TYW1: variants seen among roughly 807,000 people sequenced by gnomAD.
TYW1 encodes S-adenosyl-L-methionine-dependent tRNA 4-demethylwyosine synthase TYW1.
A neutral mutation model predicts 96.2 loss-of-function variants in TYW1; 46 were observed. That is an observed-to-expected ratio of 0.48 (90% CI 0.38 to 0.61). The LOEUF (loss-of-function observed/expected upper bound fraction) is 0.61. Among genes scored for constraint, TYW1 ranks in the 20% least tolerant of loss-of-function variants. The pLI, the probability that TYW1 is intolerant of heterozygous loss-of-function variation, is 0.00. For missense variants in TYW1, 684 were observed against 909.6 expected (o/e 0.75, Z 3.19); for synonymous variants, 274 against 323.0 (o/e 0.85, Z 1.63).
intron 13 of TYW1, among the ~76,000 whole-genome samples, chr7:67,170,516 A>C (rs1450814955): frequency 3.3e-5 from 5 of 152,236 alleles, no homozygotes; most frequent in African/African-American, 4.8e-5. Context: ...GGTAGCATTC[A>C]CGTAACATAA....
chr7:67,000,499 A>G (rs1340619456), intron 3 of TYW1, among the ~76,000 whole-genome samples: 1 of 151,822 alleles, frequency 6.6e-6, no homozygotes, highest in East Asian at 1.9e-4. Flanking sequence ...AGGTTTCACC[A>G]TATTGGTCAC....
intron 11 of TYW1, among the ~76,000 whole-genome samples, chr7:67,092,512 C>G (rs1369411546): frequency 6.6e-6 from 1 of 152,078 alleles, no homozygotes; most frequent in Non-Finnish European, 1.5e-5. Flanking sequence ...CCGTCTTTGC[C>G]CTCTTGGCCT....
intron 8 of TYW1, among the ~76,000 whole-genome samples, chr7:67,053,885 A>G (rs370314376): frequency 2.0e-5 from 3 of 152,144 alleles, no homozygotes; most frequent in Non-Finnish European, 2.9e-5. Flanking sequence ...CTAGCTTTCA[A>G]TCCTGCAAAC....
rs4717339 is a variant in TYW1 at position 67,009,572 on chromosome 7, G to C, written c.274-11G>C. 0.14 allele frequency: 226,582 copies of C among 1,602,178 alleles called. 16,889 individuals carry two copies. The highest frequency in any genetic ancestry group is 0.15 in the Middle Eastern group (899 of 6,038). On this transcript the variant is annotated splice_polypyrimidine_tract_variant and intron_variant, in intron 3 of 15. Coordinates refer to ENST00000359626, the MANE Select transcript of TYW1 (RefSeq NM_018264.4). The stretch of plus-strand genomic sequence containing the variant: ...GAAGACTTTATTTGATGTTTTTTTT[G>C]GTCCTATTAGGGATTCGCAACAGTT...
intron 13 of TYW1, among the ~76,000 whole-genome samples, chr7:67,137,176 C>T (rs1376093664): frequency 6.6e-6 from 1 of 152,126 alleles, no homozygotes; most frequent in Non-Finnish European, 1.5e-5. Flanking sequence ...CAAACTCCTT[C>T]CTCCAGCACT....
In TYW1 at chr7:67,024,772, C is replaced by A. The variant is rs1319388888; in HGVS notation, c.862-128C>A. 3.1e-5 allele frequency: 44 copies of A among 1,412,694 alleles called. No homozygotes were observed. In the East Asian group the frequency reaches 1.0e-3, roughly 33 times the overall value. 87.5% of individuals were successfully genotyped at this position (1,412,694 alleles called of 1,614,324 possible). On this transcript the variant is annotated intron_variant, in intron 6 of 15. Transcript: ENST00000359626. The stretch of plus-strand genomic sequence containing the variant: ...CTCCAGCCTGGGCGACAGAGCGAGA[C>A]CCTGTCTCAAAGAAAAAAAAAAAAA...
At chr7:67,002,013 A>G (rs1793410269) in intron 3 of TYW1, among the ~76,000 whole-genome samples, 4 of 150,698 alleles carry the variant, frequency 2.7e-5, no homozygotes, top group African/African-American at 9.8e-5. Flanking sequence ...CAGCCTGGGC[A>G]GCAGAGTGAG....
intron 10 of TYW1, among the ~76,000 whole-genome samples, chr7:67,072,122 T>C (rs546664514): frequency 6.0e-5 from 9 of 149,956 alleles, no homozygotes; most frequent in African/African-American, 2.0e-4. Context: ...GTTCACCACA[T>C]TAGCCTTGGT....
At chr7:67,051,837 G>A (rs936431071) in intron 8 of TYW1, among the ~76,000 whole-genome samples, 9 of 150,196 alleles carry the variant, frequency 6.0e-5, no homozygotes, top group East Asian at 2.0e-4. Flanking sequence ...TTCAGCTTTC[G>A]TATATCTGAA....
intron 13 of TYW1, among the ~76,000 whole-genome samples, chr7:67,164,632 C>A (rs142152096): frequency 0.056 from 8,435 of 151,412 alleles, 505 homozygotes; most frequent in East Asian, 0.16. Flanking sequence ...AAAAGTTACC[C>A]CTTGTCAACA....
At chr7:67,141,765 G>A (rs1323099632) in intron 13 of TYW1, among the ~76,000 whole-genome samples, 2 of 152,226 alleles carry the variant, frequency 1.3e-5, no homozygotes, top group East Asian at 3.8e-4. Context: ...GCCAGGCATG[G>A]TGGCTCACAC....
At chr7:67,194,064 A>G (rs1240967587) in intron 14 of TYW1, among the ~76,000 whole-genome samples, 1 of 152,128 alleles carries the variant, frequency 6.6e-6, no homozygotes, top group Non-Finnish European at 1.5e-5. Flanking sequence ...TAGAAAATTA[A>G]TCATTTTACC....
At chr7:67,230,132 T>C (rs1020921665) in intron 15 of TYW1, among the ~76,000 whole-genome samples, 3 of 151,956 alleles carry the variant, frequency 2.0e-5, no homozygotes, top group Non-Finnish European at 4.4e-5. Context: ...CCTTAGGATA[T>C]GGCCTAAGCA....
chr7:67,038,884 A>G (rs1794925392), intron 7 of TYW1, among the ~76,000 whole-genome samples: 1 of 152,234 alleles, frequency 6.6e-6, no homozygotes, highest in South Asian at 2.1e-4. Context: ...AGCCTGGGCA[A>G]CACAGCAAGA....
chr7:67,021,547 C>T (rs762888053), intron 6 of TYW1, among the ~76,000 whole-genome samples: 37 of 152,282 alleles, frequency 2.4e-4, no homozygotes, highest in East Asian at 1.5e-3. Context: ...TTGGAGCCCA[C>T]TGCATGGCTC....
chr7:67,233,873 C>G (rs1488067292), intron 15 of TYW1, among the ~76,000 whole-genome samples: 1 of 136,106 alleles, frequency 7.3e-6, no homozygotes, highest in East Asian at 2.0e-4. Flanking sequence ...CTGTTCATTT[C>G]AGAATAACTT....
intron 14 of TYW1, among the ~76,000 whole-genome samples, chr7:67,188,535 T>C (rs1800101095): frequency 6.6e-6 from 1 of 152,068 alleles, no homozygotes; most frequent in African/African-American, 2.4e-5. Flanking sequence ...AAAGAGACCA[T>C]TCTGGAAGTA....
Position 67,088,847 on chromosome 7 carries a change from G to C in TYW1, c.1384+5308G>C, listed in dbSNP as rs182397612. On this transcript the variant is annotated intron_variant, in intron 11 of 15. Transcript: ENST00000359626. ...AGTCTCCCAAAGTGCTGGGATTATA[G>C]GTGTGAACCACTGCACCTGGCCTTA... is the stretch of plus-strand genomic sequence containing the variant. 3.1e-3 allele frequency among the ~76,000 whole-genome samples: 468 copies of C among 152,284 alleles called. 1 individual carries two copies. Among genetic ancestry groups the C allele is most frequent in the African/African-American group, 0.01 (435 of 41,556 alleles).
chr7:67,054,196 A>G (rs560336116), intron 8 of TYW1, among the ~76,000 whole-genome samples: 60 of 152,274 alleles, frequency 3.9e-4, no homozygotes, highest in Admixed American at 6.5e-4. Context: ...ATTCCACACT[A>G]TTATTTTCAG....
Sources: gnomAD v4.1 joint callset for allele counts (sites outside exome capture counted in the v4.1 genomes callset) on GRCh38, gnomAD v4.1.1 for gene constraint, MANE v1.5 for transcripts, NCBI Gene and HGNC (gene_info 2026-07-23, HGNC 2026-07-21) for gene names.